COL24A1: variants seen among roughly 807,000 people sequenced by gnomAD.
COL24A1 encodes the protein collagen type XXIV alpha 1 chain, also known as collagen alpha-1(XXIV) chain.
Under a neutral mutation model 253.9 loss-of-function variants are expected in COL24A1, and 224 were observed. The ratio of observed to expected loss-of-function variants is 0.88; its 90% CI spans 0.79 to 0.99. The LOEUF (loss-of-function observed/expected upper bound fraction) is 0.99. Ranked by LOEUF, COL24A1 falls within the 50% of genes least tolerant of loss-of-function variation. COL24A1 has a pLI of 0.00. For missense variants in COL24A1, 2,131 were observed against 2,068.5 expected (o/e 1.03, Z -0.59); for synonymous variants, 685 against 673.7 (o/e 1.02, Z -0.26).
At chr1:85,735,248 G>A (rs918462907) in intron 58 of COL24A1, among the ~76,000 whole-genome samples, 3 of 152,128 alleles carry the variant, frequency 2.0e-5, no homozygotes, top group African/African-American at 4.8e-5. Context: ...CACTGAACAC[G>A]GCAATGGGAA....
intron 6 of COL24A1, among the ~76,000 whole-genome samples, chr1:86,090,886 A>G (rs1703446205): frequency 6.6e-6 from 1 of 152,150 alleles, no homozygotes; most frequent in African/African-American, 2.4e-5. Flanking sequence ...GAATTCCCAT[A>G]TTGAATCACC....
intron 47 of COL24A1, among the ~76,000 whole-genome samples, chr1:85,799,147 T>A (rs1245350852): frequency 6.8e-6 from 1 of 148,022 alleles, no homozygotes; most frequent in Non-Finnish European, 1.5e-5. Context: ...AGTCACATGA[T>A]CTTGAAAAAA....
At chr1:86,120,218 G>A (rs1352993321) in intron 3 of COL24A1, among the ~76,000 whole-genome samples, 1 of 152,166 alleles carries the variant, frequency 6.6e-6, no homozygotes, top group Admixed American at 6.5e-5. Flanking sequence ...ATACCATTCA[G>A]GACACAGGCA....
In COL24A1 at chr1:85,973,128, A is replaced by C. The variant is rs183406784; in HGVS notation, c.2365-1735T>G. Among the ~76,000 whole-genome samples the C allele has an allele frequency of 1.1e-3, 165 of 152,318 alleles. 1 individual carries two copies. The highest frequency in any genetic ancestry group is 3.8e-3 in the African/African-American group (157 of 41,570). ...GATTTTAAGTGTCTACACTGACTGG[A>C]GGTACAGAATTAGAATGTTGTGATA... On this transcript the variant is annotated intron_variant, in intron 20 of 59. Coordinates refer to ENST00000370571, the MANE Select transcript of COL24A1 (RefSeq NM_152890.7).
chr1:86,018,051 G>A (rs768801905), intron 18 of COL24A1, among the ~76,000 whole-genome samples: 17 of 152,152 alleles, frequency 1.1e-4, no homozygotes, highest in Non-Finnish European at 1.6e-4. Flanking sequence ...CAATGCTCTC[G>A]AGAGATGAAA....
intron 19 of COL24A1, among the ~76,000 whole-genome samples, chr1:86,008,150 C>T (rs552088014): frequency 7.9e-4 from 120 of 152,254 alleles, no homozygotes; most frequent in African/African-American, 2.8e-3. Context: ...TAATTATCTC[C>T]ATACATGTAG....
intron 57 of COL24A1, 57 bp from the exon 58 acceptor site, chr1:85,737,562 A>G: frequency 8.1e-7 from 1 of 1,227,746 alleles, no homozygotes; most frequent in Non-Finnish European, 1.1e-6. Context: ...AATCCTTATA[A>G]TTTCTTTTTT....
intron 53 of COL24A1, among the ~76,000 whole-genome samples, chr1:85,769,159 T>C (rs426831): frequency 0.77 from 116,695 of 152,098 alleles, 45,101 homozygotes; most frequent in Non-Finnish European, 0.82. Context: ...TTACCAATAA[T>C]TCATTAAATA....
At chr1:85,998,587 C>T (rs912326223) in intron 19 of COL24A1, among the ~76,000 whole-genome samples, 2 of 152,126 alleles carry the variant, frequency 1.3e-5, no homozygotes, top group African/African-American at 4.8e-5. Flanking sequence ...CTTCATTGGT[C>T]CCTTGCATTT....
In COL24A1 at chr1:86,156,531, GA is replaced by G; in HGVS notation, c.-136del. On this transcript the variant is annotated 5_prime_UTR_variant, in exon 1 of 60. Transcript: ENST00000370571. ...AAACCATGCTTCAAACCCGCAACAA[GA>G]AAAAAAGGAGGGGAGGGGGTGAAGT... is the stretch of plus-strand genomic sequence containing the variant. 7 of 695,122 alleles carry G rather than the reference GA, an allele frequency of 1.0e-5. No individual in the cohort carries two copies. Among genetic ancestry groups the G allele is most frequent in the South Asian group, 3.0e-5 (1 of 32,794 alleles). 43.1% of individuals were successfully genotyped at this position (695,122 alleles called of 1,614,324 possible).
chr1:86,152,669 AAGTGTCT>A (rs1446740958), intron 1 of COL24A1, among the ~76,000 whole-genome samples: 4 of 152,234 alleles, frequency 2.6e-5, no homozygotes, highest in African/African-American at 9.6e-5. Context: ...CATTTAATCA[AAGTGTCT>A]AGAGTCCAGT....
chr1:85,953,278 G>C (rs983190020), intron 24 of COL24A1, among the ~76,000 whole-genome samples: 2 of 152,114 alleles, frequency 1.3e-5, no homozygotes, highest in Non-Finnish European at 2.9e-5. Context: ...TAGAAAGTTA[G>C]AGCTGCCATT....
chr1:86,048,936 T>G (rs758458134), intron 11 of COL24A1, among the ~76,000 whole-genome samples: 1 of 152,188 alleles, frequency 6.6e-6, no homozygotes, highest in Non-Finnish European at 1.5e-5. Context: ...TTTGGTTTAT[T>G]AAATAATTTA....
intron 1 of COL24A1, 122 bp downstream of exon 1, chr1:86,156,219 G>C (rs894329670): frequency 1.5e-5 from 12 of 807,652 alleles, no homozygotes; most frequent in Non-Finnish European, 2.2e-5. Context: ...GTACTCGGCC[G>C]CTCCTAAAGC....
chr1:85,741,377 T>C (rs1664626959), intron 57 of COL24A1, among the ~76,000 whole-genome samples: 1 of 152,184 alleles, frequency 6.6e-6, no homozygotes, highest in Non-Finnish European at 1.5e-5. Context: ...TTATAGAAGA[T>C]TTTTGTTTGT....
At chr1:86,096,077 C>T (rs1475055145) in intron 5 of COL24A1, among the ~76,000 whole-genome samples, 2 of 152,076 alleles carry the variant, frequency 1.3e-5, no homozygotes, top group Non-Finnish European at 2.9e-5. Flanking sequence ...GAGATTTCTT[C>T]TCTGTAAACT....
intron 37 of COL24A1, among the ~76,000 whole-genome samples, chr1:85,857,534 A>G (rs185611861): frequency 1.3e-5 from 2 of 152,168 alleles, no homozygotes; most frequent in Non-Finnish European, 2.9e-5. Flanking sequence ...ATCAGCAGAA[A>G]CCATCAGGGT....
intron 10 of COL24A1, among the ~76,000 whole-genome samples, chr1:86,056,585 G>C (rs901179643): frequency 6.6e-6 from 1 of 152,140 alleles, no homozygotes; most frequent in Non-Finnish European, 1.5e-5. Context: ...GCCGGGCCTG[G>C]TGGCTCACTC....
chr1:85,893,297 AC>A (rs1683315738), intron 31 of COL24A1, among the ~76,000 whole-genome samples: 1 of 133,756 alleles, frequency 7.5e-6, no homozygotes, highest in Admixed American at 8.4e-5. Flanking sequence ...ATATTTTTTA[AC>A]AAAAAAAGGA....
Sources: gnomAD v4.1 joint callset for allele counts (sites outside exome capture counted in the v4.1 genomes callset) on GRCh38, gnomAD v4.1.1 for gene constraint, MANE v1.5 for transcripts, NCBI Gene and HGNC (gene_info 2026-07-23, HGNC 2026-07-21) for gene names.